Variants in LANCL2 observed in about 807,000 individuals in gnomAD.
LANCL2 encodes the protein LanC like glutathione S-transferase 2.
A neutral mutation model predicts 56.9 loss-of-function variants in LANCL2; 33 were observed. That is an observed-to-expected ratio of 0.58 (90% CI 0.44 to 0.78). LANCL2 has a LOEUF of 0.78. Ranked by LOEUF, LANCL2 falls within the 30% of genes least tolerant of loss-of-function variation. The pLI is 0.00. For synonymous variants in LANCL2, 233 were observed against 228.2 expected, an observed-to-expected ratio of 1.02 and a Z score of -0.19; for missense variants, 562 against 580.2, an observed-to-expected ratio of 0.97 and a Z score of 0.32.
At chr7:55,374,660 G>A (rs1789981252) in intron 1 of LANCL2, among the ~76,000 whole-genome samples, 1 of 152,156 alleles carries the variant, frequency 6.6e-6, no homozygotes, top group Non-Finnish European at 1.5e-5. Context: ...ACTCTTGCTA[G>A]GTATGTAACA....
chr7:55,430,466 C>T (rs918837338), intron 8 of LANCL2, among the ~76,000 whole-genome samples: 3 of 152,138 alleles, frequency 2.0e-5, no homozygotes, highest in African/African-American at 7.2e-5. Context: ...TCTGGGGGGA[C>T]CACAGGGATG....
At position 55,400,025 on chromosome 7, in the gene LANCL2, G is replaced by T; in HGVS notation, c.599G>T (p.Arg200Leu). The change falls in exon 4 of 9, where the codon CGG (arginine) becomes CTG (leucine). Residue 200 changes from arginine to leucine, a missense_variant. By Grantham distance (102) the Arg-to-Leu change is moderately radical. Around this residue, in one of 2 missense-constraint regions of LANCL2, gnomAD observed 378 missense variants for 468.4 expected, o/e 0.81. Coordinates refer to ENST00000254770, the MANE Select transcript of LANCL2 (RefSeq NM_018697.4). Reference protein sequence around the residue: ...SDLPDELLYGRAGYLYALLYL... With the variant: ...SDLPDELLYGLAGYLYALLYL... ...CTTCCTGATGAGCTGCTTTATGGAC[G>T]GGCAGGTTATCTGTATGCCTTACTG... 1 of 1,613,832 alleles carries T rather than the reference G, an allele frequency of 6.2e-7. No homozygotes were observed. Among genetic ancestry groups the T allele is most frequent in the Non-Finnish European group, 8.5e-7 (1 of 1,179,842 alleles).
At position 55,426,179 on chromosome 7, in the gene LANCL2, G is replaced by A. The variant is rs556747250; in HGVS notation, c.1185+749G>A. Among the ~76,000 whole-genome samples the A allele has an allele frequency of 5.0e-4, 76 of 152,318 alleles. No homozygotes were observed. The South Asian group carries it at 0.016, about 32-fold the overall frequency. ...CATTGTATGTTTTGGCTTGTTTCTT[G>A]AGTGTGTAGGCTGGTAGAACATAAG... On this transcript the variant is annotated intron_variant, in intron 7 of 8. Coordinates refer to ENST00000254770, the MANE Select transcript of LANCL2 (RefSeq NM_018697.4).
intron 6 of LANCL2, among the ~76,000 whole-genome samples, chr7:55,421,113 C>T (rs979213342): frequency 6.6e-6 from 1 of 152,098 alleles, no homozygotes; most frequent in African/African-American, 2.4e-5. Context: ...CTGTATGGGA[C>T]TTGTGTTATA....
At chr7:55,389,166 G>A (rs1790158392) in intron 1 of LANCL2, among the ~76,000 whole-genome samples, 1 of 152,174 alleles carries the variant, frequency 6.6e-6, no homozygotes, top group Non-Finnish European at 1.5e-5. Flanking sequence ...AAGAAAGTTA[G>A]ACATTTGTTT....
intron 1 of LANCL2, among the ~76,000 whole-genome samples, chr7:55,391,143 C>T (rs896102711): frequency 3.3e-5 from 5 of 151,158 alleles, no homozygotes; most frequent in African/African-American, 9.7e-5. Flanking sequence ...CAGCCTCCCG[C>T]GTAGCTGGGA....
At chr7:55,407,938 G>A (rs1456949193) in intron 5 of LANCL2, among the ~76,000 whole-genome samples, 1 of 152,264 alleles carries the variant, frequency 6.6e-6, no homozygotes, top group African/African-American at 2.4e-5. Flanking sequence ...GAGGAGCTGT[G>A]CCTTATGCGT....
chr7:55,431,339 T>C lies in LANCL2; in HGVS notation c.*19T>C. 1.9e-6 allele frequency: 3 copies of C among 1,585,202 alleles called. No homozygotes were observed. Among genetic ancestry groups the C allele is most frequent in the Middle Eastern group, 1.7e-4 (1 of 5,974 alleles). On this transcript the variant is annotated 3_prime_UTR_variant, in exon 9 of 9. Transcript: ENST00000254770. ...GGATTAAAAGGTGCAAAAAGACAAC[T>C]AAAATACCCATTTGGACCAAAAGCC...
chr7:55,425,514 T>C, intron 7 of LANCL2, 84 bp downstream of exon 7: 1 of 1,279,054 alleles, frequency 7.8e-7, no homozygotes, highest in South Asian at 1.3e-5. Flanking sequence ...CTCCTGTTCC[T>C]TCTTTTAACC....
At chr7:55,385,428 C>T (rs921837516) in intron 1 of LANCL2, among the ~76,000 whole-genome samples, 12 of 152,130 alleles carry the variant, frequency 7.9e-5, no homozygotes, top group African/African-American at 2.2e-4. Context: ...TTTTCCTAAG[C>T]GTCGACTGGC....
At chr7:55,371,266 T>G (rs1382084903) in intron 1 of LANCL2, among the ~76,000 whole-genome samples, 1 of 152,130 alleles carries the variant, frequency 6.6e-6, no homozygotes, top group Non-Finnish European at 1.5e-5. Context: ...CGAGACAGGG[T>G]CTCACTCTGT....
intron 6 of LANCL2, among the ~76,000 whole-genome samples, chr7:55,417,550 AAT>A (rs1790558564): frequency 6.6e-6 from 1 of 152,188 alleles, no homozygotes; most frequent in Admixed American, 6.5e-5. Context: ...AATCACTTTG[AAT>A]ATTCCAAGTC....
At chr7:55,396,685 C>T (rs1790257265) in intron 2 of LANCL2, among the ~76,000 whole-genome samples, 1 of 147,034 alleles carries the variant, frequency 6.8e-6, no homozygotes, top group African/African-American at 2.5e-5. Flanking sequence ...CGCCTGCCAA[C>T]AAAAAACGAC....
intron 7 of LANCL2, chr7:55,428,066 G>T: frequency 2.5e-6 from 1 of 405,354 alleles, no homozygotes; most frequent in Admixed American, 3.6e-5. Flanking sequence ...GTTGCTTCTG[G>T]AATCATCAGC....
At chr7:55,399,819 A>C in intron 3 of LANCL2, 138 bp from the exon 4 acceptor site, 14 of 606,410 alleles carry the variant, frequency 2.3e-5, no homozygotes, top group East Asian at 3.1e-5. Context: ...TGTGTTCTGG[A>C]TTTGGGAGTA....
chr7:55,387,374 C>T (rs532610475), intron 1 of LANCL2, among the ~76,000 whole-genome samples: 5 of 152,250 alleles, frequency 3.3e-5, no homozygotes, highest in African/African-American at 1.2e-4. Flanking sequence ...CACTAGGCCA[C>T]AATAACAGAA....
chr7:55,365,904 C>A lies in LANCL2; in HGVS notation c.-122C>A. On this transcript the variant is annotated 5_prime_UTR_variant, in exon 1 of 9. Coordinates refer to ENST00000254770, the MANE Select transcript of LANCL2 (RefSeq NM_018697.4). ...AGACGCCCCGCTCCTCCCGCCAGCG[C>A]GCGGCCTCGCTCCTCCTAGAGGACG... The A allele has an allele frequency of 2.9e-6, 2 of 699,680 alleles. No homozygotes were observed. The highest frequency in any genetic ancestry group is 4.3e-6 in the Non-Finnish European group (2 of 461,362). The allele number at this position is 699,680 out of a possible 1,614,324, so 43.3% of individuals were successfully genotyped here. A position where few individuals can be genotyped will look rare whatever the true frequency, so the allele number is the denominator to read the frequency against.
chr7:55,377,829 C>G (rs910712347), intron 1 of LANCL2, among the ~76,000 whole-genome samples: 6 of 152,234 alleles, frequency 3.9e-5, no homozygotes, highest in African/African-American at 1.2e-4. Flanking sequence ...AATTCTTTAA[C>G]TGCTCCTGCT....
At position 55,365,985 on chromosome 7, in the gene LANCL2, C is replaced by A. The variant is rs1489582774; in HGVS notation, c.-41C>A. The A allele has an allele frequency of 8.0e-6, 11 of 1,372,082 alleles. No homozygotes were observed. The highest frequency in any genetic ancestry group is 7.7e-5 in the African/African-American group (5 of 65,088). The allele number at this position is 1,372,082 out of a possible 1,614,324, so 85.0% of individuals were successfully genotyped here. ...GGCGGGGCGAGCTGCAGCGCCGGGA[C>A]AGGAGGTTTGTCCCCGCCCGCGCGC... On this transcript the variant is annotated 5_prime_UTR_variant, in exon 1 of 9. Transcript: ENST00000254770.
Sources: allele counts gnomAD v4.1 joint callset (sites outside exome capture counted in the v4.1 genomes callset), GRCh38; gene constraint gnomAD v4.1.1; regional missense constraint gnomAD v4.1.1; transcripts MANE v1.5; gene names NCBI Gene and HGNC (gene_info 2026-07-23, HGNC 2026-07-21).